The following NSRP1 variants were observed in gnomAD, a reference collection of about 807,000 sequenced individuals.
The protein encoded by NSRP1 is nuclear speckle splicing regulatory protein 1, also known as coiled-coil domain containing 55.
Under a neutral mutation model 54.7 loss-of-function variants are expected in NSRP1, and 24 were observed. The observed-to-expected ratio is 0.44, with a 90% CI of 0.32 to 0.62. NSRP1 has a LOEUF of 0.62. Among genes scored for constraint, NSRP1 ranks in the 20% least tolerant of loss-of-function variants. The pLI is 0.06. For synonymous variants in NSRP1, 210 were observed against 213.8 expected (o/e 0.98, Z 0.15); for missense variants, 596 against 651.2 (o/e 0.92, Z 0.92).
At chr17:30,127,236 G>T (rs1308050846) in intron 2 of NSRP1, among the ~76,000 whole-genome samples, 1 of 152,166 alleles carries the variant, frequency 6.6e-6, no homozygotes, top group African/African-American at 2.4e-5. Context: ...ATTAAACCTA[G>T]AACTGTTTTT....
At chr17:30,168,744 G>A (rs983584611) in intron 2 of NSRP1, 7 of 151,210 alleles carry the variant, frequency 4.6e-5, no homozygotes, top group African/African-American at 1.7e-4. Context: ...TTTTATATAG[G>A]GTTACTATTA....
intron 2 of NSRP1, chr17:30,122,350 TTCA>T (rs1376291999): frequency 1.3e-4 from 10 of 78,246 alleles, no homozygotes; most frequent in African/African-American, 5.5e-4. Flanking sequence ...TAACTCTGGT[TTCA>T]TATATATATA....
intron 3 of NSRP1, among the ~76,000 whole-genome samples, chr17:30,176,070 A>G (rs1398673454): frequency 1.3e-5 from 2 of 150,868 alleles, no homozygotes; most frequent in Non-Finnish European, 1.5e-5. Context: ...GTGTTAATCC[A>G]TATATATTCA....
intron 2 of NSRP1, among the ~76,000 whole-genome samples, chr17:30,129,308 A>C (rs1031502098): frequency 6.6e-6 from 1 of 152,090 alleles, no homozygotes; most frequent in African/African-American, 2.4e-5. Context: ...CAGATAAGTA[A>C]AAAATAATAA....
intron 2 of NSRP1, among the ~76,000 whole-genome samples, chr17:30,151,379 A>T (rs1450708233): frequency 6.6e-6 from 1 of 152,190 alleles, no homozygotes; most frequent in East Asian, 1.9e-4. Context: ...CCTATTGTTG[A>T]CCAGAAGCCT....
intron 1 of NSRP1, among the ~76,000 whole-genome samples, chr17:30,117,796 G>GCCAT (rs2071555929): frequency 7.0e-6 from 1 of 141,940 alleles, no homozygotes; most frequent in Non-Finnish European, 1.5e-5. Flanking sequence ...CTGTCACTTC[G>GCCAT]CCATCTTAAA....
At chr17:30,145,531 C>A (rs539719996) in intron 2 of NSRP1, among the ~76,000 whole-genome samples, 1 of 152,046 alleles carries the variant, frequency 6.6e-6, no homozygotes, top group Admixed American at 6.6e-5. Flanking sequence ...TGCAGCGAGC[C>A]GAGATCACGC....
chr17:30,137,859 G>A (rs2071763780), intron 2 of NSRP1, among the ~76,000 whole-genome samples: 1 of 152,034 alleles, frequency 6.6e-6, no homozygotes, highest in Non-Finnish European at 1.5e-5. Flanking sequence ...TGTAAAATAT[G>A]CATAACATAA....
intron 2 of NSRP1, among the ~76,000 whole-genome samples, chr17:30,165,046 A>G (rs886310607): frequency 6.6e-6 from 1 of 152,192 alleles, no homozygotes; most frequent in African/African-American, 2.4e-5. Flanking sequence ...ATACTAAGCA[A>G]AATACAAAAT....
At chr17:30,125,979 GCTAT>G (rs1478178354) in intron 2 of NSRP1, 3 of 152,134 alleles carry the variant, frequency 2.0e-5, no homozygotes, top group Non-Finnish European at 1.5e-5. Context: ...TTCTGATGCT[GCTAT>G]CAATTCATAA....
intron 2 of NSRP1, among the ~76,000 whole-genome samples, chr17:30,138,913 T>TTTG (rs1222310332): frequency 5.5e-5 from 7 of 126,276 alleles, no homozygotes; most frequent in African/African-American, 1.5e-4. Flanking sequence ...CTTAGCGTTT[T>TTTG]TTTTTTTTTT....
chr17:30,125,728 T>A, intron 2 of NSRP1: 1 of 152,314 alleles, frequency 6.6e-6, no homozygotes. Flanking sequence ...TTGTATTTTT[T>A]GTAGAGATGG....
chr17:30,172,500 T>A, intron 2 of NSRP1, 42 bp from the exon 3 acceptor site: 1 of 1,538,028 alleles, frequency 6.5e-7, no homozygotes, highest in Non-Finnish European at 8.9e-7. Flanking sequence ...AAAAGAAATT[T>A]TAAATTTGTT....
chr17:30,171,597 G>A lies in NSRP1; in HGVS notation c.115-945G>A, dbSNP rs147066477. Among the ~76,000 whole-genome samples, 81 of 152,126 alleles carry A rather than the reference G, an allele frequency of 5.3e-4. No homozygotes were observed. In the East Asian group the frequency reaches 0.015, roughly 28 times the overall value. On this transcript the variant is annotated intron_variant, in intron 2 of 6. Transcript: ENST00000247026. The stretch of plus-strand genomic sequence containing the variant: ...GCTGGGATTACAGGCATGAGCCACC[G>A]CGCCTGGCCATATATTGTGATTATT...
At chr17:30,175,916 T>TC (rs1905108213) in intron 3 of NSRP1, among the ~76,000 whole-genome samples, 1 of 150,898 alleles carries the variant, frequency 6.6e-6, no homozygotes, top group Admixed American at 6.6e-5. Flanking sequence ...GGCAGGAGAG[T>TC]CACTTGAACA....
chr17:30,183,733 A>C (rs1317219362), intron 6 of NSRP1, among the ~76,000 whole-genome samples: 4 of 152,170 alleles, frequency 2.6e-5, no homozygotes, highest in Non-Finnish European at 5.9e-5. Flanking sequence ...ATATAATTTT[A>C]GTATTGTTGA....
At chr17:30,118,640 C>A (rs2071566529) in intron 2 of NSRP1, among the ~76,000 whole-genome samples, 1 of 152,036 alleles carries the variant, frequency 6.6e-6, no homozygotes, top group Non-Finnish European at 1.5e-5. Flanking sequence ...CTTGATAGTA[C>A]TACAGTAACA....
chr17:30,121,547 TGTGTGTGTGC>T (rs1308243510), intron 2 of NSRP1, among the ~76,000 whole-genome samples: 6 of 149,746 alleles, frequency 4.0e-5, no homozygotes, highest in East Asian at 2.0e-4. Context: ...TACAATTCAC[TGTGTGTGTGC>T]GTGTGTGTGT....
Position 30,178,141 on chromosome 17 carries a change from A to C in NSRP1, c.242A>C (p.Glu81Ala). The C allele has an allele frequency of 6.2e-7, 1 of 1,610,692 alleles. No homozygotes were observed. Among genetic ancestry groups the C allele is most frequent in the East Asian group, 2.2e-5 (1 of 44,766 alleles). The part of the protein sequence containing the change: ...TVYEYDSIYD[E>A]MQKKKEENNP... ...TATGAATATGACAGTATTTATGATG[A>C]AATGCAGAAAAAAAAGGAGGAAAAT... Residue 81 changes from glutamate (E) to alanine (A), a missense_variant, in exon 4 of 7, where the codon GAA becomes GCA. Coordinates refer to ENST00000247026, the MANE Select transcript of NSRP1 (RefSeq NM_032141.4).
Sources: allele counts gnomAD v4.1 joint callset (sites outside exome capture counted in the v4.1 genomes callset), GRCh38; gene constraint gnomAD v4.1.1; transcripts MANE v1.5; gene names NCBI Gene and HGNC (gene_info 2026-07-23, HGNC 2026-07-21).